Variants in CUX1 observed in about 807,000 individuals in gnomAD.
CUX1 encodes the protein protein CASP.
In CUX1, 31 loss-of-function variants were observed where a neutral mutation model predicts 158.8. That is an observed-to-expected ratio of 0.20 (90% CI 0.15 to 0.26). The LOEUF is 0.26. CUX1 is among the 10% of genes least tolerant of loss of function. The pLI is 1.00. For synonymous variants in CUX1, 879 were observed against 862.1 expected (o/e 1.02, Z -0.34); for missense variants, 1,589 against 2,014.6 (o/e 0.79, Z 4.04).
chr7:102,281,748 G>T, intron 20 of CUX1: 2 of 834,828 alleles, frequency 2.4e-6, no homozygotes, highest in Non-Finnish European at 4.1e-6. Flanking sequence ...CCCTCCCCTT[G>T]CCACCCTAGG....
intron 2 of CUX1, among the ~76,000 whole-genome samples, chr7:101,984,146 A>ATGTG (rs1479558484): frequency 2.5e-4 from 19 of 74,624 alleles, no homozygotes; most frequent in African/African-American, 8.7e-4. Context: ...ACACATATAT[A>ATGTG]TATGTGTGTG....
chr7:101,839,754 A>C (rs996600397), intron 1 of CUX1, among the ~76,000 whole-genome samples: 3 of 150,330 alleles, frequency 2.0e-5, no homozygotes, highest in Non-Finnish European at 3.0e-5. Flanking sequence ...ATAATTTGTC[A>C]ATTTTCTTTC....
rs540659545 is a variant in CUX1, at chr7:102,221,978, G to T, written c.3131-5389G>T. ...AGGTGCTTTAAAAATATGTGAGTAG[G>T]CTGGATGCGGTGACTCATGCCTGTA... On this transcript the variant is annotated intron_variant, in intron 20 of 23. Transcript: ENST00000292535. Among the ~76,000 whole-genome samples, 3 of 152,204 alleles carry T rather than the reference G, an allele frequency of 2.0e-5. No individual in the cohort carries two copies. The East Asian group carries it at 5.8e-4, about 29-fold the overall frequency.
chr7:102,054,706 G>C (rs1823927076), intron 3 of CUX1, among the ~76,000 whole-genome samples: 1 of 152,112 alleles, frequency 6.6e-6, no homozygotes, highest in Non-Finnish European at 1.5e-5. Context: ...AGGGGCTCTT[G>C]TCTGTGATTC....
intron 2 of CUX1, among the ~76,000 whole-genome samples, chr7:101,973,791 C>T (rs549280997): frequency 2.1e-5 from 3 of 141,506 alleles, no homozygotes; most frequent in South Asian, 2.3e-4. Context: ...TTTTTTGAGA[C>T]GGAGTCTCAC....
Position 102,252,908 on chromosome 7 carries a change from C to T in CUX1, c.*3866C>T, listed in dbSNP as rs192263957. ...ATCTTGGCATGAGGCAGCTTCTAAGCGTCTCCTGGGACAGGATTGGGGTGA... is the reference window on the plus strand; with the variant it reads ...ATCTTGGCATGAGGCAGCTTCTAAGTGTCTCCTGGGACAGGATTGGGGTGA... On this transcript the variant is annotated 3_prime_UTR_variant, in exon 24 of 24. Coordinates refer to ENST00000292535, the MANE Select transcript of CUX1 (RefSeq NM_181552.4). 5.2e-5 allele frequency: 51 copies of T among 985,486 alleles called. No homozygotes were observed. In the East Asian group the frequency reaches 5.4e-3, roughly 105 times the overall value. The allele number at this position is 985,486 out of a possible 1,614,324, so 61.0% of individuals were successfully genotyped here. A position where few individuals can be genotyped will look rare whatever the true frequency, so the allele number is the denominator to read the frequency against.
Position 101,998,596 on chromosome 7 carries a change from T to C in CUX1, c.142-29502T>C, listed in dbSNP as rs575290028. 2.6e-5 allele frequency among the ~76,000 whole-genome samples: 4 copies of C among 152,320 alleles called. No homozygotes were observed. In the East Asian group the frequency reaches 5.8e-4, roughly 22 times the overall value. On this transcript the variant is annotated intron_variant, in intron 2 of 23. Coordinates refer to ENST00000292535, the MANE Select transcript of CUX1 (RefSeq NM_181552.4). ...TATTTCCACACCCCACTCAGGGCGA[T>C]AGCGTTTGAGGAAGAAGAGAAAGAG...
intron 7 of CUX1, 76 bp from the exon 8 acceptor site, chr7:102,115,131 G>A: frequency 7.8e-7 from 1 of 1,287,668 alleles, no homozygotes; most frequent in East Asian, 2.4e-5. Flanking sequence ...TGCCTCTTTT[G>A]AAATGGGAAT....
chr7:102,109,252 T>TTTATA (rs1480631705), intron 6 of CUX1, among the ~76,000 whole-genome samples: 8 of 152,194 alleles, frequency 5.3e-5, no homozygotes, highest in African/African-American at 1.9e-4. Flanking sequence ...GCTAATTTTC[T>TTTATA]TTATATACAA....
intron 3 of CUX1, among the ~76,000 whole-genome samples, chr7:102,059,060 C>T (rs1237472612): frequency 1.3e-5 from 2 of 152,226 alleles, no homozygotes; most frequent in Admixed American, 1.3e-4. Flanking sequence ...TGTCCTGGAG[C>T]ATTTACCTGC....
intron 2 of CUX1, among the ~76,000 whole-genome samples, chr7:101,944,643 A>G (rs1276965780): frequency 6.6e-6 from 1 of 152,208 alleles, no homozygotes; most frequent in Non-Finnish European, 1.5e-5. Context: ...AGCTCCTGCT[A>G]AGACACCCTG....
intron 8 of CUX1, among the ~76,000 whole-genome samples, chr7:102,150,393 T>C (rs1222712602): frequency 2.0e-5 from 3 of 152,184 alleles, no homozygotes; most frequent in Non-Finnish European, 4.4e-5. Context: ...TGGTCTCAAG[T>C]GATCCACCTA....
intron 2 of CUX1, among the ~76,000 whole-genome samples, chr7:102,004,855 G>A (rs1817132143): frequency 6.6e-6 from 1 of 152,212 alleles, no homozygotes; most frequent in African/African-American, 2.4e-5. Flanking sequence ...AAAGAGCCTG[G>A]TGCTACATAT....
chr7:101,929,934 C>T (rs974338486), intron 2 of CUX1, among the ~76,000 whole-genome samples: 4 of 152,112 alleles, frequency 2.6e-5, no homozygotes, highest in East Asian at 1.9e-4. Context: ...TTCTACCTCC[C>T]GGGTTCAAGC....
intron 2 of CUX1, among the ~76,000 whole-genome samples, chr7:101,936,911 C>T (rs1004586319): frequency 6.6e-6 from 1 of 152,194 alleles, no homozygotes; most frequent in African/African-American, 2.4e-5. Context: ...TCATAAAAAC[C>T]TCCTGGGTGT....
intron 2 of CUX1, among the ~76,000 whole-genome samples, chr7:101,980,234 G>C (rs1813247402): frequency 6.6e-6 from 1 of 152,190 alleles, no homozygotes; most frequent in East Asian, 1.9e-4. Context: ...GGCTGGGTGT[G>C]GGGGCTCACA....
intron 8 of CUX1, among the ~76,000 whole-genome samples, chr7:102,157,274 C>T (rs569521547): frequency 6.6e-6 from 1 of 152,226 alleles, no homozygotes; most frequent in Non-Finnish European, 1.5e-5. Flanking sequence ...AGCCCTCAAC[C>T]CCAACCAGGT....
intron 17 of CUX1, 103 bp downstream of exon 17, chr7:102,200,275 A>G (rs1586178652): frequency 2.3e-6 from 2 of 865,186 alleles, no homozygotes; most frequent in African/African-American, 1.7e-5. Context: ...TTAAACAATA[A>G]TGAATGCCTG....
intron 2 of CUX1, among the ~76,000 whole-genome samples, chr7:101,969,986 A>G (rs1811750906): frequency 6.7e-6 from 1 of 149,780 alleles, no homozygotes; most frequent in Non-Finnish European, 1.5e-5. Context: ...TAGCACCAAA[A>G]AAAAAAAAAA....
Sources: allele counts gnomAD v4.1 joint callset (sites outside exome capture counted in the v4.1 genomes callset), GRCh38; gene constraint gnomAD v4.1.1; transcripts MANE v1.5; gene names NCBI Gene and HGNC (gene_info 2026-07-23, HGNC 2026-07-21).